ZFAND6: variants seen among roughly 807,000 people sequenced by gnomAD.
The protein encoded by ZFAND6 is AN1-type zinc finger protein 6.
ZFAND6 carries 12 observed loss-of-function variants against 24.5 expected under a neutral mutation model. That is an observed-to-expected ratio of 0.49 (90% CI 0.31 to 0.79). The LOEUF is 0.79. Ranked by LOEUF, ZFAND6 falls within the 30% of genes least tolerant of loss-of-function variation. The probability of loss-of-function intolerance (pLI) is 0.04; values close to 1 mark genes in which losing one functional copy is unlikely to be tolerated. For missense variants in ZFAND6, 207 were observed against 245.9 expected (o/e 0.84, Z 1.06); for synonymous variants, 92 against 81.5 (o/e 1.13, Z -0.69).
At chr15:80,083,654 A>T (rs1440919594) in intron 1 of ZFAND6, among the ~76,000 whole-genome samples, 2 of 152,166 alleles carry the variant, frequency 1.3e-5, no homozygotes, top group African/African-American at 4.8e-5. Context: ...CATGCCTGTA[A>T]TCCCAGCACT....
chr15:80,072,589 C>T (rs567759608), intron 1 of ZFAND6: 2 of 152,170 alleles, frequency 1.3e-5, no homozygotes, highest in East Asian at 3.9e-4. Flanking sequence ...CTTTGGAGTA[C>T]AGCTTCAAGT....
At chr15:80,064,360 T>C (rs188905293) in intron 1 of ZFAND6, among the ~76,000 whole-genome samples, 23 of 152,026 alleles carry the variant, frequency 1.5e-4, no homozygotes, top group Admixed American at 9.8e-4. Flanking sequence ...GCATTATCTG[T>C]CTATCCATCT....
At position 80,137,993 on chromosome 15, in the gene ZFAND6, C is replaced by G. The variant is rs2040937388; in HGVS notation, c.*365C>G. 1 of 158,188 alleles carries G rather than the reference C, an allele frequency of 6.3e-6. No homozygotes were observed. 9.8% of individuals were successfully genotyped at this position (158,188 alleles called of 1,614,324 possible). A position where few individuals can be genotyped will look rare whatever the true frequency, so the allele number is the denominator to read the frequency against. On this transcript the variant is annotated 3_prime_UTR_variant, in exon 7 of 7. Coordinates refer to ENST00000261749, the MANE Select transcript of ZFAND6 (RefSeq NM_019006.4). ...CATTGTGTATGTATATATCGCTTTT[C>G]TCTGCAGCACGATTTCTCTTTTGAT...
chr15:80,119,974 AT>A (rs1462433720), intron 2 of ZFAND6, among the ~76,000 whole-genome samples: 1 of 152,234 alleles, frequency 6.6e-6, no homozygotes, highest in Non-Finnish European at 1.5e-5. Context: ...ATCAAAACTT[AT>A]AATGTATATC....
chr15:80,085,904 A>T (rs891536045), intron 1 of ZFAND6, among the ~76,000 whole-genome samples: 2 of 152,204 alleles, frequency 1.3e-5, no homozygotes, highest in Non-Finnish European at 2.9e-5. Context: ...AGATACACAG[A>T]TACTTACCAT....
At chr15:80,121,972 ATTTCTTGCTTTTACCTTG>A in intron 4 of ZFAND6, 152 bp downstream of exon 4, 1 of 656,006 alleles carries the variant, frequency 1.5e-6, no homozygotes, top group Non-Finnish European at 2.5e-6. Flanking sequence ...AGAAAAAGCG[ATTTCTTGCTTTTACCTTG>A]AGGGATCGGG....
chr15:80,126,988 C>CA lies in ZFAND6; in HGVS notation c.364+4189dup. 2.0e-5 allele frequency among the ~76,000 whole-genome samples: 3 copies of CA among 152,086 alleles called. 1 individual carries two copies. In the South Asian group the frequency reaches 6.2e-4, roughly 32 times the overall value. On this transcript the variant is annotated intron_variant, in intron 5 of 6. Coordinates refer to ENST00000261749, the MANE Select transcript of ZFAND6 (RefSeq NM_019006.4). ...GTGTGGTGGCGCACGCTTGTAGTCC[C>CA]AGCTACTGGGTAGGGAGGCTGAGGT...
intron 1 of ZFAND6, among the ~76,000 whole-genome samples, chr15:80,077,700 T>TTC (rs200085061): frequency 1.4e-5 from 2 of 141,992 alleles, no homozygotes; most frequent in Non-Finnish European, 3.1e-5. Flanking sequence ...TTTCTTTCTT[T>TTC]TTTTTTTTTT....
chr15:80,067,021 A>G (rs1302581968), intron 1 of ZFAND6, among the ~76,000 whole-genome samples: 1 of 152,216 alleles, frequency 6.6e-6, no homozygotes, highest in Non-Finnish European at 1.5e-5. Context: ...TCTAAAATCA[A>G]GAAGTTGAAG....
At chr15:80,076,889 T>C (rs2037314625) in intron 1 of ZFAND6, among the ~76,000 whole-genome samples, 1 of 151,918 alleles carries the variant, frequency 6.6e-6, no homozygotes, top group Admixed American at 6.6e-5. Flanking sequence ...TAAAAATGCT[T>C]TAAGGGAAAC....
intron 1 of ZFAND6, among the ~76,000 whole-genome samples, chr15:80,076,739 T>A (rs886203883): frequency 2.0e-5 from 3 of 152,172 alleles, no homozygotes; most frequent in Non-Finnish European, 4.4e-5. Context: ...GGAAGTCCTT[T>A]CCTTTACACA....
rs150623432 is a variant in ZFAND6, at chr15:80,078,742, A to G, written c.-181+18933A>G. On this transcript the variant is annotated intron_variant, in intron 1 of 6. Coordinates refer to ENST00000261749, the MANE Select transcript of ZFAND6 (RefSeq NM_019006.4). ...CATCTGTCATTTTTTTGACTTTTTA[A>G]TAATAGCCATTCTGACTGGCTTGAG... Among the ~76,000 whole-genome samples the G allele has an allele frequency of 3.5e-4, 54 of 152,206 alleles. No individual in the cohort carries two copies. In the East Asian group the frequency reaches 7.7e-3, roughly 22 times the overall value.
upstream of ZFAND6, chr15:80,059,433 G>C (rs959989884): frequency 2.6e-5 from 4 of 152,264 alleles, no homozygotes; most frequent in African/African-American, 4.8e-5. Flanking sequence ...GGACACTGGA[G>C]GTGCAGAAGG....
chr15:80,066,898 C>CAAA (rs550502301), intron 1 of ZFAND6, among the ~76,000 whole-genome samples: 2 of 115,142 alleles, frequency 1.7e-5, no homozygotes, highest in Non-Finnish European at 3.8e-5. Flanking sequence ...CTCCATCTCC[C>CAAA]AAAAAAAAAA....
intron 2 of ZFAND6, among the ~76,000 whole-genome samples, chr15:80,106,207 C>A (rs1023934634): frequency 6.6e-6 from 1 of 152,190 alleles, no homozygotes; most frequent in Non-Finnish European, 1.5e-5. Context: ...CTATGTCTTT[C>A]CTGATAATAT....
intron 1 of ZFAND6, among the ~76,000 whole-genome samples, chr15:80,070,043 T>C (rs1038180031): frequency 2.0e-5 from 3 of 152,204 alleles, no homozygotes; most frequent in Admixed American, 6.5e-5. Context: ...CCAGAGAAAA[T>C]GCCCAGGATT....
chr15:80,099,634 T>TTTTTTTTTTTTTC (rs1555431664), intron 2 of ZFAND6, among the ~76,000 whole-genome samples: 3 of 148,598 alleles, frequency 2.0e-5, no homozygotes, highest in African/African-American at 7.6e-5. Flanking sequence ...TTTTTTTTTT[T>TTTTTTTTTTTTTC]CGAGACGGAG....
intron 1 of ZFAND6, among the ~76,000 whole-genome samples, chr15:80,088,143 T>G (rs2038117394): frequency 6.6e-6 from 1 of 152,182 alleles, no homozygotes; most frequent in Non-Finnish European, 1.5e-5. Context: ...GCTTTTTGTT[T>G]TGGTTTGCTT....
At chr15:80,059,079 T>C (rs1000933460), upstream of ZFAND6, among the ~76,000 whole-genome samples, 3 of 152,280 alleles carry the variant, frequency 2.0e-5, no homozygotes, top group African/African-American at 7.2e-5. Context: ...TGCACGCTTC[T>C]CGTCTTGCTT....
Sources: allele counts gnomAD v4.1 joint callset (sites outside exome capture counted in the v4.1 genomes callset), GRCh38; gene constraint gnomAD v4.1.1; transcripts MANE v1.5; gene names NCBI Gene and HGNC (gene_info 2026-07-23, HGNC 2026-07-21).